TMEM229B: variants seen among roughly 807,000 people sequenced by gnomAD.
TMEM229B encodes transmembrane protein 229B.
Under a neutral mutation model 13.7 loss-of-function variants are expected in TMEM229B, and 6 were observed. The ratio of observed to expected loss-of-function variants is 0.44; its 90% CI spans 0.24 to 0.86. TMEM229B has a LOEUF of 0.86. Ranked by LOEUF, TMEM229B falls within the 40% of genes least tolerant of loss-of-function variation. The pLI is 0.23. For synonymous variants in TMEM229B, 107 were observed against 102.1 expected, an observed-to-expected ratio of 1.05 and a Z score of -0.29; for missense variants, 170 against 236.0, an observed-to-expected ratio of 0.72 and a Z score of 1.83.
chr14:67,529,889 T>A, intron 1 of TMEM229B, among the ~76,000 whole-genome samples: 1 of 152,150 alleles, frequency 6.6e-6, no homozygotes, highest in Admixed American at 6.5e-5. Flanking sequence ...TTCTCCCCTC[T>A]CTTCCCCTTC....
At chr14:67,503,565 C>G (rs1446536943) in intron 1 of TMEM229B, 1 of 152,228 alleles carries the variant, frequency 6.6e-6, no homozygotes, top group African/African-American at 2.4e-5. Flanking sequence ...CGGGAAATGA[C>G]AGAGGGTAGC....
chr14:67,477,911 C>G (rs1427788925), intron 2 of TMEM229B, among the ~76,000 whole-genome samples: 2 of 152,206 alleles, frequency 1.3e-5, no homozygotes, highest in African/African-American at 4.8e-5. Context: ...TCTGCCACAT[C>G]CCCACCCTAA....
intron 1 of TMEM229B, among the ~76,000 whole-genome samples, chr14:67,512,289 T>C (rs2033054616): frequency 6.6e-6 from 1 of 152,202 alleles, no homozygotes; most frequent in African/African-American, 2.4e-5. Context: ...TACACTTTAC[T>C]TTTCAAATAC....
In TMEM229B at chr14:67,510,336, TC is replaced by T. The variant is rs528751804; in HGVS notation, c.-192+4749del. Among the ~76,000 whole-genome samples, 395 of 152,264 alleles carry T rather than the reference TC, an allele frequency of 2.6e-3. 2 individuals are homozygous for T. The highest frequency in any genetic ancestry group is 4.6e-3 in the Admixed American group (71 of 15,290). ...CACAAGTGAGTGAGTCAGGGAGGGA[TC>T]CCAGATTTCCTGATTCCTGAAGCCT... On this transcript the variant is annotated intron_variant, in intron 1 of 2. Transcript: ENST00000357461.
At chr14:67,516,277 G>A (rs2033198500), upstream of TMEM229B, among the ~76,000 whole-genome samples, 1 of 152,116 alleles carries the variant, frequency 6.6e-6, no homozygotes, top group Non-Finnish European at 1.5e-5. Flanking sequence ...ACACCCTCTG[G>A]GGGTGTCCTT....
intron 1 of TMEM229B, among the ~76,000 whole-genome samples, chr14:67,527,416 C>T (rs1784445667): frequency 6.6e-6 from 1 of 152,070 alleles, no homozygotes; most frequent in Admixed American, 6.5e-5. Context: ...CCAGCCTGGG[C>T]AACAAGAGTG....
At chr14:67,507,878 C>T (rs1441231852) in intron 1 of TMEM229B, among the ~76,000 whole-genome samples, 1 of 152,146 alleles carries the variant, frequency 6.6e-6, no homozygotes, top group Non-Finnish European at 1.5e-5. Context: ...TTGGCTCACG[C>T]CTGTAGTCCC....
At chr14:67,522,352 A>T (rs1323417466) in intron 1 of TMEM229B, among the ~76,000 whole-genome samples, 1 of 152,150 alleles carries the variant, frequency 6.6e-6, no homozygotes, top group East Asian at 1.9e-4. Context: ...TTAAAATCCA[A>T]ACTCCAAGCT....
upstream of TMEM229B, among the ~76,000 whole-genome samples, chr14:67,490,546 A>G (rs957674680): frequency 2.0e-5 from 3 of 152,234 alleles, no homozygotes; most frequent in Non-Finnish European, 4.4e-5. Context: ...GTTTTCATGC[A>G]CATAGGATTC....
intron 2 of TMEM229B, among the ~76,000 whole-genome samples, chr14:67,483,086 C>T (rs1452534306): frequency 6.6e-6 from 1 of 152,162 alleles, no homozygotes; most frequent in Admixed American, 6.5e-5. Context: ...ACTTGGCTCA[C>T]TGCAACCTCT....
chr14:67,505,624 A>G (rs1410107476), intron 1 of TMEM229B, among the ~76,000 whole-genome samples: 1 of 151,882 alleles, frequency 6.6e-6, no homozygotes, highest in Non-Finnish European at 1.5e-5. Flanking sequence ...AGACTGAAGG[A>G]CCTTAGCTGA....
intron 1 of TMEM229B, among the ~76,000 whole-genome samples, chr14:67,524,924 T>C (rs2033344864): frequency 6.6e-6 from 1 of 152,140 alleles, no homozygotes; most frequent in Non-Finnish European, 1.5e-5. Flanking sequence ...CTCAAAACGT[T>C]GGCATTAAAC....
intron 1 of TMEM229B, among the ~76,000 whole-genome samples, chr14:67,488,288 C>A (rs2031992733): frequency 6.6e-6 from 1 of 152,262 alleles, no homozygotes; most frequent in African/African-American, 2.4e-5. Context: ...AAGCTGACAA[C>A]CTGTGAGGCA....
intron 1 of TMEM229B, among the ~76,000 whole-genome samples, chr14:67,526,648 G>A (rs1301591179): frequency 2.0e-5 from 3 of 152,088 alleles, no homozygotes; most frequent in Non-Finnish European, 4.4e-5. Flanking sequence ...ACATTTAGAG[G>A]TGACCAAAGC....
Position 67,472,377 on chromosome 14 carries a change from C to T in TMEM229B, c.*1043G>A, listed in dbSNP as rs1189487167. ...CAGGCAGGGAATAGATGACCTAGAA[C>T]TCTGGCTTTTCCCCACCAAACTGAC... On this transcript the variant is annotated 3_prime_UTR_variant, in exon 3 of 3. Transcript: ENST00000554480. 3.3e-5 allele frequency: 5 copies of T among 152,334 alleles called. No individual in the cohort carries two copies. Among genetic ancestry groups the T allele is most frequent in the African/African-American group, 1.2e-4 (5 of 41,454 alleles). The allele number at this position is 152,334 out of a possible 1,614,324, so 9.4% of individuals were successfully genotyped here.
chr14:67,474,787 G>T (rs544020011), intron 2 of TMEM229B, among the ~76,000 whole-genome samples: 10 of 152,244 alleles, frequency 6.6e-5, no homozygotes, highest in African/African-American at 2.4e-4. Context: ...TACTCTGGGT[G>T]CCTCATATAA....
At chr14:67,494,801 A>C (rs1372220005) in intron 1 of TMEM229B, among the ~76,000 whole-genome samples, 1 of 152,184 alleles carries the variant, frequency 6.6e-6, no homozygotes, top group Non-Finnish European at 1.5e-5. Flanking sequence ...AAGGCTACAG[A>C]AGAAGCACCA....
At chr14:67,482,151 G>A (rs111484770) in intron 2 of TMEM229B, among the ~76,000 whole-genome samples, 132 of 152,298 alleles carry the variant, frequency 8.7e-4, no homozygotes, top group African/African-American at 3.1e-3. Context: ...CCCTTCAAGG[G>A]AACAGGTGAT....
chr14:67,505,018 T>A (rs1005691498), intron 1 of TMEM229B, among the ~76,000 whole-genome samples: 6 of 152,176 alleles, frequency 3.9e-5, no homozygotes, highest in Non-Finnish European at 7.3e-5. Flanking sequence ...AAACATCCAG[T>A]CAAAGCAGCT....
Sources: gnomAD v4.1 joint callset for allele counts (sites outside exome capture counted in the v4.1 genomes callset) on GRCh38, gnomAD v4.1.1 for gene constraint, MANE v1.5 for transcripts, NCBI Gene and HGNC (gene_info 2026-07-23, HGNC 2026-07-21) for gene names.